ENPP1: variants seen among roughly 807,000 people sequenced by gnomAD.
The protein encoded by ENPP1 is ectonucleotide pyrophosphatase/phosphodiesterase 1.
ENPP1 carries 73 observed loss-of-function variants against 122.8 expected under a neutral mutation model. The ratio of observed to expected loss-of-function variants is 0.59; its 90% CI spans 0.49 to 0.72. The LOEUF is 0.72. Ranked by LOEUF, ENPP1 falls within the 30% of genes least tolerant of loss-of-function variation. The pLI is 0.00. For missense variants in ENPP1, 978 were observed against 1,128.1 expected (o/e 0.87, Z 1.91); for synonymous variants, 367 against 391.6 (o/e 0.94, Z 0.74).
At chr6:131,860,326 T>C (rs1474015258) in intron 7 of ENPP1, 61 bp from the exon 8 acceptor site, 7 of 1,248,008 alleles carry the variant, frequency 5.6e-6, no homozygotes, top group Non-Finnish European at 8.1e-6. Context: ...GATTTTTTTC[T>C]GTGAATGTAT....
intron 1 of ENPP1, chr6:131,825,986 A>T (rs1781542159): frequency 1.6e-6 from 1 of 639,352 alleles, no homozygotes; most frequent in African/African-American, 1.8e-5. Context: ...TTAGGTCAAC[A>T]TTTGTCTAAG....
intron 1 of ENPP1, among the ~76,000 whole-genome samples, chr6:131,832,400 A>G (rs1388969936): frequency 1.3e-5 from 2 of 152,162 alleles, no homozygotes; most frequent in Non-Finnish European, 2.9e-5. Context: ...TGAAGTGATA[A>G]ATAACCAGGT....
At position 131,851,251 on chromosome 6, in the gene ENPP1, C is replaced by T. The variant is rs1468771588; in HGVS notation, c.540C>T (p.Tyr180=). Residue 180 remains tyrosine, a synonymous_variant, in exon 4 of 25, where the codon TAC becomes TAT. Transcript: ENST00000647893. ...ACAAGGGCGACTGCTGCATCAACTA[C>T]AGTTCTGTGTGTCAAGGTCAGGTGC... ...CKDKGDCCIN[Y]SSVCQGEKSW... is the part of the protein sequence containing the mutation. The T allele has an allele frequency of 6.8e-6, 11 of 1,614,020 alleles. No individual in the cohort carries two copies. The highest frequency in any genetic ancestry group is 1.7e-5 in the Admixed American group (1 of 60,000).
chr6:131,810,714 AATAGAAGAGTTGC>A (rs1345398735), intron 1 of ENPP1, among the ~76,000 whole-genome samples: 3 of 152,092 alleles, frequency 2.0e-5, no homozygotes, highest in African/African-American at 7.3e-5. Context: ...TAGCAGGATA[AATAGAAGAGTTGC>A]GTTGCCTTGC....
chr6:131,841,383 A>G (rs1196882668), intron 1 of ENPP1, among the ~76,000 whole-genome samples: 1 of 152,226 alleles, frequency 6.6e-6, no homozygotes, highest in Non-Finnish European at 1.5e-5. Flanking sequence ...CTGATAGGCA[A>G]TGTAGTCAGC....
At chr6:131,876,201 G>A (rs550617015) in intron 17 of ENPP1, among the ~76,000 whole-genome samples, 1 of 152,256 alleles carries the variant, frequency 6.6e-6, no homozygotes, top group Non-Finnish European at 1.5e-5. Context: ...GAGATTGAGG[G>A]CAGTGAAAGG....
chr6:131,869,026 C>A (rs925962393), intron 12 of ENPP1, among the ~76,000 whole-genome samples: 5 of 152,152 alleles, frequency 3.3e-5, no homozygotes, highest in African/African-American at 1.2e-4. Context: ...CATACACTCC[C>A]AGTTAATATC....
chr6:131,849,632 T>C (rs949866734), intron 2 of ENPP1, among the ~76,000 whole-genome samples: 1 of 152,222 alleles, frequency 6.6e-6, no homozygotes, highest in Non-Finnish European at 1.5e-5. Context: ...TTAAGCCAAC[T>C]TTTTCATAGC....
chr6:131,866,042 G>A (rs921585369), intron 11 of ENPP1, among the ~76,000 whole-genome samples: 1 of 151,208 alleles, frequency 6.6e-6, no homozygotes, highest in African/African-American at 2.4e-5. Context: ...ATATTTCCTT[G>A]TACCTCTAAG....
At chr6:131,811,434 A>ATATC (rs1781353268) in intron 1 of ENPP1, among the ~76,000 whole-genome samples, 1 of 147,888 alleles carries the variant, frequency 6.8e-6, no homozygotes, top group African/African-American at 2.6e-5. Flanking sequence ...CTATATCTAT[A>ATATC]TATATGTAGA....
intron 23 of ENPP1, 96 bp from the exon 24 acceptor site, chr6:131,886,466 G>A: frequency 2.2e-6 from 2 of 901,100 alleles, no homozygotes; most frequent in Non-Finnish European, 3.5e-6. Flanking sequence ...GTTTGAATTT[G>A]ATTTTTATAT....
chr6:131,876,872 T>G, intron 17 of ENPP1, 120 bp from the exon 18 acceptor site: 1 of 862,574 alleles, frequency 1.2e-6, no homozygotes, highest in Non-Finnish European at 1.9e-6. Context: ...ATACTTTTAT[T>G]TTAGTTAAAG....
At position 131,875,878 on chromosome 6, in the gene ENPP1, G is replaced by T. The variant is rs748068249; in HGVS notation, c.1723+15G>T. ...CTTAATGTGTGGTAAGTGTGAACAG[G>T]TGCCTTTTTTCCCTTCTGAAAATAG... On this transcript the variant is annotated intron_variant, in intron 17 of 24. Coordinates refer to ENST00000647893, the MANE Select transcript of ENPP1 (RefSeq NM_006208.3). The T allele has an allele frequency of 6.3e-7, 1 of 1,599,446 alleles. No homozygotes were observed. The highest frequency in any genetic ancestry group is 8.6e-7 in the Non-Finnish European group (1 of 1,166,644).
At chr6:131,826,273 C>G in intron 1 of ENPP1, 3 of 1,241,174 alleles carry the variant, frequency 2.4e-6, no homozygotes, top group Non-Finnish European at 3.6e-6. Context: ...GGTTACAGCA[C>G]AGTACTGCAA....
chr6:131,838,287 T>A (rs999379301), intron 1 of ENPP1, among the ~76,000 whole-genome samples: 15 of 151,998 alleles, frequency 9.9e-5, no homozygotes, highest in Non-Finnish European at 1.9e-4. Context: ...AAGAAAATAA[T>A]TGCCAAACTG....
intron 1 of ENPP1, 79 bp downstream of exon 1, chr6:131,808,354 C>T (rs1781307798): frequency 1.4e-6 from 2 of 1,395,214 alleles, no homozygotes; most frequent in African/African-American, 1.5e-5. Context: ...GCGCTCTCAG[C>T]GCAGTCAGCA....
intron 4 of ENPP1, 66 bp downstream of exon 4, chr6:131,851,333 G>C (rs941981379): frequency 2.5e-6 from 4 of 1,606,218 alleles, no homozygotes. Context: ...GCTTTACATA[G>C]GTGTTATCTT....
At chr6:131,882,640 A>G (rs934086832) in intron 21 of ENPP1, among the ~76,000 whole-genome samples, 166 bp downstream of exon 21, 5 of 127,154 alleles carry the variant, frequency 3.9e-5, no homozygotes, top group Non-Finnish European at 6.2e-5. Context: ...TAAAGTATAT[A>G]TATTACTATT....
intron 16 of ENPP1, among the ~76,000 whole-genome samples, chr6:131,875,333 G>A (rs1782215656): frequency 6.6e-6 from 1 of 151,828 alleles, no homozygotes; most frequent in Non-Finnish European, 1.5e-5. Flanking sequence ...CTTTACAGTT[G>A]AAGAAAACCA....
Sources: allele counts gnomAD v4.1 joint callset (sites outside exome capture counted in the v4.1 genomes callset), GRCh38; gene constraint gnomAD v4.1.1; transcripts MANE v1.5; gene names NCBI Gene and HGNC (gene_info 2026-07-23, HGNC 2026-07-21).